The following BRINP1 variants were observed in gnomAD, a reference collection of about 807,000 sequenced individuals.
The protein encoded by BRINP1 is BMP/retinoic acid-inducible neural-specific protein 1.
A neutral mutation model predicts 72.9 loss-of-function variants in BRINP1; 17 were observed. That is an observed-to-expected ratio of 0.23 (90% CI 0.16 to 0.35). The LOEUF (loss-of-function observed/expected upper bound fraction) is 0.35. BRINP1 is among the 10% of genes least tolerant of loss of function. BRINP1 has a pLI of 1.00. For synonymous variants in BRINP1, 418 were observed against 378.5 expected (o/e 1.10, Z -1.21); for missense variants, 850 against 1,001.6 (o/e 0.85, Z 2.04).
At chr9:119,212,136 G>A (rs1829935245) in intron 6 of BRINP1, among the ~76,000 whole-genome samples, 2 of 152,104 alleles carry the variant, frequency 1.3e-5, no homozygotes, top group Non-Finnish European at 2.9e-5. Flanking sequence ...TGGGCTCCCA[G>A]GATTTTCAGT....
chr9:119,268,478 G>C (rs1345856630), intron 2 of BRINP1, among the ~76,000 whole-genome samples: 1 of 152,026 alleles, frequency 6.6e-6, no homozygotes, highest in Non-Finnish European at 1.5e-5. Flanking sequence ...TAGCTTGCAG[G>C]GAACACACAG....
At chr9:119,227,245 G>T (rs1830101338) in intron 5 of BRINP1, among the ~76,000 whole-genome samples, 1 of 151,974 alleles carries the variant, frequency 6.6e-6, no homozygotes, top group Non-Finnish European at 1.5e-5. Flanking sequence ...GAAGCTCAGA[G>T]GCCTAATTAA....
intron 1 of BRINP1, among the ~76,000 whole-genome samples, chr9:119,330,562 A>G (rs1290570018): frequency 2.6e-5 from 4 of 152,156 alleles, no homozygotes; most frequent in South Asian, 2.1e-4. Flanking sequence ...TTGTGTTTCT[A>G]TCTCATTCAA....
chr9:119,328,070 G>A (rs1305586228), intron 1 of BRINP1, among the ~76,000 whole-genome samples: 1 of 152,138 alleles, frequency 6.6e-6, no homozygotes, highest in East Asian at 1.9e-4. Context: ...TTTTTAGTCA[G>A]CATGAAGAGG....
At position 119,166,978 on chromosome 9, in the gene BRINP1, AATTAC is replaced by A. The variant is rs1360970797; in HGVS notation, c.*101_*105del. 1.7e-6 allele frequency: 2 copies of A among 1,202,586 alleles called. No individual in the cohort carries two copies. Among genetic ancestry groups the A allele is most frequent in the Admixed American group, 2.4e-5 (1 of 42,160 alleles). The allele number at this position is 1,202,586 out of a possible 1,614,324, so 74.5% of individuals were successfully genotyped here. ...ATTTTCCTCCTTTTCTTTGAATATT[AATTAC>A]ATTTTACAAATTTTTGTGGGTTTTT... On this transcript the variant is annotated 3_prime_UTR_variant, in exon 8 of 8. Coordinates refer to ENST00000265922, the MANE Select transcript of BRINP1 (RefSeq NM_014618.3).
At chr9:119,188,619 A>G (rs1258288286) in intron 7 of BRINP1, among the ~76,000 whole-genome samples, 1 of 151,770 alleles carries the variant, frequency 6.6e-6, no homozygotes. Context: ...AAAAATAATC[A>G]TAAAAAAATA....
intron 5 of BRINP1, among the ~76,000 whole-genome samples, chr9:119,216,336 T>C (rs984058290): frequency 6.6e-6 from 1 of 152,178 alleles, no homozygotes. Flanking sequence ...GATTAAGCTA[T>C]ACAGTTGAAC....
chr9:119,224,446 C>G (rs1830071605), intron 5 of BRINP1, among the ~76,000 whole-genome samples: 1 of 151,984 alleles, frequency 6.6e-6, no homozygotes, highest in African/African-American at 2.4e-5. Context: ...ACTCATAATA[C>G]ATATTAGCAC....
At chr9:119,225,424 A>G (rs893841457) in intron 5 of BRINP1, among the ~76,000 whole-genome samples, 5 of 151,990 alleles carry the variant, frequency 3.3e-5, no homozygotes, top group African/African-American at 4.8e-5. Context: ...ATAAAATAGC[A>G]TAGTATTTGC....
chr9:119,333,785 C>A (rs1366739792), intron 1 of BRINP1, among the ~76,000 whole-genome samples: 1 of 152,062 alleles, frequency 6.6e-6, no homozygotes, highest in Non-Finnish European at 1.5e-5. Flanking sequence ...CAGAAAGGAA[C>A]AAGGTGTTTC....
At chr9:119,275,390 G>A (rs527624880) in intron 2 of BRINP1, among the ~76,000 whole-genome samples, 6 of 152,190 alleles carry the variant, frequency 3.9e-5, no homozygotes, top group African/African-American at 1.4e-4. Flanking sequence ...ACCTTATTCT[G>A]TTTATCTCTC....
At chr9:119,328,546 A>G (rs1831262416) in intron 1 of BRINP1, among the ~76,000 whole-genome samples, 1 of 152,196 alleles carries the variant, frequency 6.6e-6, no homozygotes, top group Non-Finnish European at 1.5e-5. Flanking sequence ...GATAATTAGC[A>G]CTTATTGAGA....
intron 1 of BRINP1, among the ~76,000 whole-genome samples, chr9:119,355,094 T>C (rs1364707595): frequency 1.3e-5 from 2 of 152,264 alleles, no homozygotes; most frequent in East Asian, 3.9e-4. Flanking sequence ...ATCCCACTAA[T>C]TAAAATGCTG....
At chr9:119,362,511 G>A (rs942515) in intron 1 of BRINP1, among the ~76,000 whole-genome samples, 40,059 of 152,058 alleles carry the variant, frequency 0.26, 7,000 homozygotes, top group East Asian at 0.85. Context: ...GGTACTATTA[G>A]ATTGCCAGCA....
At chr9:119,252,709 A>C (rs1564229497) in intron 2 of BRINP1, among the ~76,000 whole-genome samples, 1 of 152,164 alleles carries the variant, frequency 6.6e-6, no homozygotes, top group African/African-American at 2.4e-5. Context: ...GAGTGGTAGA[A>C]TTGAGTATAG....
chr9:119,233,022 C>CT (rs113144460), intron 5 of BRINP1, among the ~76,000 whole-genome samples: 72,382 of 147,468 alleles, frequency 0.49, 18,021 homozygotes, highest in Middle Eastern at 0.69. Context: ...CCTGTTCTTT[C>CT]TTTTTTTTTT....
chr9:119,355,597 T>TG (rs1831554868), intron 1 of BRINP1, among the ~76,000 whole-genome samples: 1 of 151,800 alleles, frequency 6.6e-6, no homozygotes, highest in African/African-American at 2.4e-5. Context: ...GGCGTGGTGG[T>TG]GGGTGCCTGT....
chr9:119,279,003 C>T (rs1830683288), intron 2 of BRINP1, among the ~76,000 whole-genome samples: 1 of 152,088 alleles, frequency 6.6e-6, no homozygotes, highest in African/African-American at 2.4e-5. Flanking sequence ...TAATACTTTA[C>T]TTCCATTTTA....
intron 7 of BRINP1, among the ~76,000 whole-genome samples, chr9:119,185,116 T>C (rs1588157443): frequency 6.6e-6 from 1 of 152,084 alleles, no homozygotes; most frequent in Admixed American, 6.5e-5. Flanking sequence ...TCCCCAGTCC[T>C]AGAATGCACA....
Sources: allele counts gnomAD v4.1 joint callset (sites outside exome capture counted in the v4.1 genomes callset), GRCh38; gene constraint gnomAD v4.1.1; transcripts MANE v1.5; gene names NCBI Gene and HGNC (gene_info 2026-07-23, HGNC 2026-07-21).